Variants in NRXN3 observed in about 807,000 individuals in gnomAD.
NRXN3 encodes neurexin 3, also known as neurexin III.
Under a neutral mutation model 137.6 loss-of-function variants are expected in NRXN3, and 32 were observed. The ratio of observed to expected loss-of-function variants is 0.23; its 90% CI spans 0.18 to 0.31. The LOEUF is 0.31. Ranked by LOEUF, NRXN3 falls within the 10% of genes least tolerant of loss-of-function variation. NRXN3 has a pLI of 1.00. For synonymous variants in NRXN3, 798 were observed against 784.5 expected, an observed-to-expected ratio of 1.02 and a Z score of -0.29; for missense variants, 1,574 against 2,062.5, an observed-to-expected ratio of 0.76 and a Z score of 4.59.
chr14:79,301,759 A>T (rs540626413), intron 15 of NRXN3, among the ~76,000 whole-genome samples: 3 of 151,728 alleles, frequency 2.0e-5, no homozygotes, highest in Non-Finnish European at 2.9e-5. Flanking sequence ...GCGCGCGTGC[A>T]TATATGACAA....
At chr14:79,732,144 T>A (rs944198498) in intron 19 of NRXN3, among the ~76,000 whole-genome samples, 10 of 152,236 alleles carry the variant, frequency 6.6e-5, no homozygotes, top group African/African-American at 2.4e-4. Context: ...GATTTTTTTT[T>A]AAGAGACATG....
intron 4 of NRXN3, among the ~76,000 whole-genome samples, chr14:78,496,881 T>A (rs1280178910): frequency 1.3e-5 from 2 of 152,046 alleles, no homozygotes; most frequent in Non-Finnish European, 2.9e-5. Flanking sequence ...GGACTCCAAC[T>A]TGTACTTTGA....
chr14:79,695,694 A>G (rs2098733059), intron 18 of NRXN3, among the ~76,000 whole-genome samples: 1 of 151,768 alleles, frequency 6.6e-6, no homozygotes, highest in African/African-American at 2.4e-5. Context: ...TATGAACTCC[A>G]GCATATTACT....
At chr14:79,275,246 T>C (rs2080094462) in intron 15 of NRXN3, among the ~76,000 whole-genome samples, 1 of 152,140 alleles carries the variant, frequency 6.6e-6, no homozygotes, top group South Asian at 2.1e-4. Context: ...GTTGTTTGTT[T>C]TTCTCTCCCT....
At chr14:78,800,562 G>T (rs138191873) in intron 8 of NRXN3, among the ~76,000 whole-genome samples, 4 of 152,254 alleles carry the variant, frequency 2.6e-5, no homozygotes, top group African/African-American at 9.6e-5. Context: ...ACTTTTATCT[G>T]TAATCGCTTT....
At chr14:78,754,334 G>A (rs1471669716) in intron 8 of NRXN3, among the ~76,000 whole-genome samples, 1 of 152,126 alleles carries the variant, frequency 6.6e-6, no homozygotes, top group Non-Finnish European at 1.5e-5. Flanking sequence ...TTCAGCCCCA[G>A]TCCTGGGTAC....
At chr14:78,344,214 G>A (rs773541169) in intron 4 of NRXN3, among the ~76,000 whole-genome samples, 19 of 152,292 alleles carry the variant, frequency 1.2e-4, no homozygotes, top group Admixed American at 9.2e-4. Flanking sequence ...GCACACACAT[G>A]TGGGTTTGCC....
At chr14:78,532,485 GTTT>G (rs2096481627) in intron 4 of NRXN3, among the ~76,000 whole-genome samples, 1 of 147,516 alleles carries the variant, frequency 6.8e-6, no homozygotes, top group Non-Finnish European at 1.5e-5. Flanking sequence ...TTTTCTTCAG[GTTT>G]AGAGATGACT....
At chr14:79,309,706 GT>G (rs937421302) in intron 15 of NRXN3, among the ~76,000 whole-genome samples, 15 of 146,390 alleles carry the variant, frequency 1.0e-4, no homozygotes, top group Non-Finnish European at 1.9e-4. Flanking sequence ...TTCTTCATGT[GT>G]TTTTTGGCTG....
At chr14:79,095,681 G>T (rs556785843) in intron 15 of NRXN3, among the ~76,000 whole-genome samples, 1 of 152,016 alleles carries the variant, frequency 6.6e-6, no homozygotes, top group African/African-American at 2.4e-5. Context: ...AAGAAAAATA[G>T]CTTCTCCATA....
intron 4 of NRXN3, among the ~76,000 whole-genome samples, chr14:78,483,736 G>A (rs1159282266): frequency 1.3e-5 from 2 of 152,148 alleles, no homozygotes; most frequent in African/African-American, 4.8e-5. Flanking sequence ...GAAATTCCAG[G>A]TGAGAGGGGA....
chr14:79,228,809 A>C (rs994280988), intron 15 of NRXN3, among the ~76,000 whole-genome samples: 2 of 152,180 alleles, frequency 1.3e-5, no homozygotes, highest in Admixed American at 1.3e-4. Context: ...AGTCATTTAG[A>C]AATGTAAATA....
At chr14:79,381,017 G>A (rs1248522388) in intron 15 of NRXN3, among the ~76,000 whole-genome samples, 2 of 152,040 alleles carry the variant, frequency 1.3e-5, no homozygotes, top group African/African-American at 2.4e-5. Flanking sequence ...AGACAGGCAG[G>A]TAAAGGGTAC....
chr14:78,252,297 T>C (rs2068759029), intron 2 of NRXN3, among the ~76,000 whole-genome samples: 1 of 152,142 alleles, frequency 6.6e-6, no homozygotes, highest in African/African-American at 2.4e-5. Context: ...TGTGAACTCT[T>C]TGGCTCTTTG....
At chr14:78,431,532 T>C (rs1386583558) in intron 4 of NRXN3, among the ~76,000 whole-genome samples, 3 of 152,118 alleles carry the variant, frequency 2.0e-5, no homozygotes, top group African/African-American at 7.2e-5. Flanking sequence ...GAAATAAGTA[T>C]AAATCTTTTG....
At chr14:79,735,136 G>C (rs904711048) in intron 19 of NRXN3, among the ~76,000 whole-genome samples, 1 of 152,106 alleles carries the variant, frequency 6.6e-6, no homozygotes, top group Non-Finnish European at 1.5e-5. Flanking sequence ...TAGAATGTTA[G>C]GTTTATCAAA....
chr14:78,798,049 C>T (rs2098827578), intron 8 of NRXN3, among the ~76,000 whole-genome samples: 1 of 152,132 alleles, frequency 6.6e-6, no homozygotes, highest in African/African-American at 2.4e-5. Context: ...TCCCTGACCC[C>T]TCCCAAATCT....
chr14:79,047,842 A>T (rs571320588), intron 15 of NRXN3, among the ~76,000 whole-genome samples: 48 of 152,328 alleles, frequency 3.2e-4, no homozygotes, highest in Non-Finnish European at 5.7e-4. Flanking sequence ...GGAATGTAAG[A>T]TGATAAAACC....
At chr14:78,630,613 T>TG (rs57273243) in intron 4 of NRXN3, among the ~76,000 whole-genome samples, 2 of 146,952 alleles carry the variant, frequency 1.4e-5, no homozygotes, top group Non-Finnish European at 3.0e-5. Context: ...TTTTTTTTTT[T>TG]GTTGTTTTTG....
Sources: allele counts gnomAD v4.1 joint callset (sites outside exome capture counted in the v4.1 genomes callset), GRCh38; gene constraint gnomAD v4.1.1; transcripts MANE v1.5; gene names NCBI Gene and HGNC (gene_info 2026-07-23, HGNC 2026-07-21).